HEATR6: variants seen among roughly 807,000 people sequenced by gnomAD.
The protein encoded by HEATR6 is HEAT repeat-containing protein 6.
HEATR6 carries 106 observed loss-of-function variants against 132.8 expected under a neutral mutation model. That is an observed-to-expected ratio of 0.80 (90% CI 0.68 to 0.94). The LOEUF is 0.94. Ranked by LOEUF, HEATR6 falls within the 40% of genes least tolerant of loss-of-function variation. The probability of loss-of-function intolerance (pLI) is 0.00; values close to 1 mark genes in which losing one functional copy is unlikely to be tolerated. For synonymous variants in HEATR6, 529 were observed against 537.8 expected (o/e 0.98, Z 0.23); for missense variants, 1,339 against 1,425.1 (o/e 0.94, Z 0.97).
chr17:60,073,795 A>C lies in HEATR6; in HGVS notation c.419T>G (p.Leu140Arg), dbSNP rs769645250. 6.2e-7 allele frequency: 1 copy of C among 1,614,132 alleles called. No individual in the cohort carries two copies. The highest frequency in any genetic ancestry group is 8.5e-7 in the Non-Finnish European group (1 of 1,179,974). The stretch of plus-strand genomic sequence containing the variant: ...GTACACCAGAGCTGCCAGGGCTTGA[A>C]GAATTTCCCTGTGTGTCCAGGAACT... ...QCSSWTHREI[L>R]QALAALVYCN... Residue 140 changes from leucine to arginine, a missense_variant, in exon 3 of 20, where the codon CTT becomes CGT. Leu to Arg is a moderately radical substitution (Grantham distance 102, BLOSUM62 -2). Transcript: ENST00000184956.
At chr17:60,061,343 A>C (rs2083210081) in intron 9 of HEATR6, among the ~76,000 whole-genome samples, 1 of 152,240 alleles carries the variant, frequency 6.6e-6, no homozygotes, top group Non-Finnish European at 1.5e-5. Flanking sequence ...AGAAATTTGA[A>C]GTACAGTAGC....
Position 60,059,894 on chromosome 17 carries a change from A to G in HEATR6, c.1619T>C (p.Ile540Thr). ...ESSSQTVTQI[I>T]KCLANLVSNA... ...AACCCACAGTTGGTACATTACCTTA[A>G]TTATCTGAGTAACGGTCTGTGAGGA... The change falls in exon 10 of 20, where the codon ATT becomes ACT. Residue 540 changes from isoleucine to threonine, a missense_variant. Transcript: ENST00000184956. 1 of 1,612,906 alleles carries G rather than the reference A, an allele frequency of 6.2e-7. No homozygotes were observed. The highest frequency in any genetic ancestry group is 8.5e-7 in the Non-Finnish European group (1 of 1,179,060).
intron 9 of HEATR6, 91 bp downstream of exon 9, chr17:60,066,118 A>AT: frequency 8.9e-7 from 1 of 1,118,516 alleles, no homozygotes; most frequent in Non-Finnish European, 1.3e-6. Context: ...TAAGAGCTAT[A>AT]TTCAGATCAG....
At chr17:60,072,554 A>G (rs997607644) in intron 4 of HEATR6, among the ~76,000 whole-genome samples, 5 of 152,344 alleles carry the variant, frequency 3.3e-5, no homozygotes, top group Admixed American at 1.3e-4. Context: ...CAGAAAGGTT[A>G]CAGAAGTTTG....
At chr17:60,069,979 C>G (rs1217564600) in intron 6 of HEATR6, 131 bp from the exon 7 acceptor site, 4 of 1,078,370 alleles carry the variant, frequency 3.7e-6, no homozygotes, top group Non-Finnish European at 3.9e-6. Context: ...GTTCAAAAGC[C>G]TACTAAGGAA....
chr17:60,065,851 T>C (rs1005976928), intron 9 of HEATR6, among the ~76,000 whole-genome samples: 2 of 152,208 alleles, frequency 1.3e-5, no homozygotes, highest in African/African-American at 2.4e-5. Context: ...TTCTACTGAG[T>C]TGTTTAAGCC....
chr17:60,072,209 A>G lies in HEATR6; in HGVS notation c.699+6T>C. The G allele has an allele frequency of 6.8e-7, 1 of 1,469,666 alleles. No individual in the cohort carries two copies. Among genetic ancestry groups the G allele is most frequent in the Non-Finnish European group, 9.5e-7 (1 of 1,054,628 alleles). 91.0% of individuals were successfully genotyped at this position (1,469,666 alleles called of 1,614,324 possible). On this transcript the variant is annotated splice_donor_region_variant and intron_variant, in intron 5 of 19. Coordinates refer to ENST00000184956, the MANE Select transcript of HEATR6 (RefSeq NM_022070.5). ...ACATTCACTACGTCAATGATAGTCC[A>G]CTTACCATGCAAAATGTGATATCAT...
At position 60,073,203 on chromosome 17, in the gene HEATR6, C is replaced by G; in HGVS notation, c.545G>C (p.Arg182Thr). 1 of 1,613,620 alleles carries G rather than the reference C, an allele frequency of 6.2e-7. No homozygotes were observed. The highest frequency in any genetic ancestry group is 8.5e-7 in the Non-Finnish European group (1 of 1,179,566). The change falls in exon 4 of 20, where the codon AGG becomes ACG. Residue 182 changes from arginine to threonine, a missense_variant. Arg to Thr is a moderately conservative substitution (Grantham distance 71). Transcript: ENST00000184956. ...TGCCATACAATGTACTGCAGCTCTC[C>G]TGACTTCAGGATCAGACTGAGCCAA... ...SDLAQSDPEV[R>T]RAAVHCMANL...
Position 60,073,156 on chromosome 17 carries a change from C to T in HEATR6, c.584+8G>A, listed in dbSNP as rs746932583. On this transcript the variant is annotated splice_region_variant and intron_variant, in intron 4 of 19. Coordinates refer to ENST00000184956, the MANE Select transcript of HEATR6 (RefSeq NM_022070.5). ...TTACCATTGAGAAACTTGACTGGAGCCACATACCTGAGACATAAGTTTGCC... is the reference window on the plus strand; with the variant it reads ...TTACCATTGAGAAACTTGACTGGAGTCACATACCTGAGACATAAGTTTGCC... 3.9e-5 allele frequency: 59 copies of T among 1,527,388 alleles called. No individual in the cohort carries two copies. In the East Asian group the frequency reaches 1.2e-3, roughly 31 times the overall value. 94.6% of individuals were successfully genotyped at this position (1,527,388 alleles called of 1,614,324 possible). A position where few individuals can be genotyped will look rare whatever the true frequency, so the allele number is the denominator to read the frequency against.
In HEATR6 at chr17:60,069,812, C is replaced by T; in HGVS notation, c.838G>A (p.Glu280Lys). ...GTTGGGTATAACACCGTGGGCATCT[C>T]TATGTTTAGTCCAGGGAGTCCGTGA... ...MFHGLPGLNIEMPTVLYPTPL... is the reference protein window; with the variant it reads ...MFHGLPGLNIKMPTVLYPTPL... Residue 280 changes from glutamate to lysine, a missense_variant, in exon 7 of 20, where the codon GAG becomes AAG. Transcript: ENST00000184956. The T allele has an allele frequency of 6.2e-7, 1 of 1,613,998 alleles. No homozygotes were observed. The highest frequency in any genetic ancestry group is 8.5e-7 in the Non-Finnish European group (1 of 1,180,004).
At position 60,076,153 on chromosome 17, in the gene HEATR6, G is replaced by T; in HGVS notation, c.304C>A (p.His102Asn). Residue 102 changes from histidine (H) to asparagine (N), a missense_variant, in exon 2 of 20, where the codon CAC (histidine) becomes AAC (asparagine). His to Asn is a moderately conservative substitution (Grantham distance 68). Transcript: ENST00000184956. ...ACCTGTAATCTGTTAAGTAAATGGT[G>T]GATAAGCTGGCTCACTTTGCTGACA... ...HLVSKVSQLI[H>N]HLLNRLQVIV... is the part of the protein sequence containing the mutation. The T allele has an allele frequency of 1.2e-6, 2 of 1,607,182 alleles. No homozygotes were observed. The highest frequency in any genetic ancestry group is 8.5e-7 in the Non-Finnish European group (1 of 1,174,746).
At chr17:60,065,970 T>C (rs1030684968) in intron 9 of HEATR6, among the ~76,000 whole-genome samples, 13 of 152,224 alleles carry the variant, frequency 8.5e-5, no homozygotes, top group Non-Finnish European at 1.5e-5. Context: ...AAGTTAGAAT[T>C]CAGTGTGCTC....
intron 1 of HEATR6, among the ~76,000 whole-genome samples, chr17:60,078,347 T>C (rs1221310324): frequency 6.6e-6 from 1 of 152,222 alleles, no homozygotes; most frequent in African/African-American, 2.4e-5. Context: ...GTGTACCATG[T>C]ACGCAATAAA....
intron 19 of HEATR6, 102 bp from the exon 20 acceptor site, chr17:60,044,236 C>G: frequency 1.3e-6 from 1 of 783,972 alleles, no homozygotes. Context: ...GCTCAAGACA[C>G]TCATTTTATG....
chr17:60,066,407 A>G (rs755159359), intron 8 of HEATR6, 21 bp from the exon 9 acceptor site: 1 of 1,524,092 alleles, frequency 6.6e-7, no homozygotes, highest in South Asian at 1.3e-5. Flanking sequence ...CAAGAGAAAA[A>G]AGAAAAAACA....
intron 19 of HEATR6, among the ~76,000 whole-genome samples, chr17:60,044,909 G>A (rs920937283): frequency 1.3e-5 from 2 of 152,200 alleles, no homozygotes; most frequent in Non-Finnish European, 1.5e-5. Context: ...CTCACAATCC[G>A]ACCCGTCAGA....
rs1906194751 is a variant in HEATR6, at chr17:60,042,314, G to A, written c.*1249C>T. ...GGGAACACGGGCACTCCAGAAGCTC[G>A]GAGCAGCAGCTCATCAGCTGTGAGG... is the stretch of plus-strand genomic sequence containing the variant. On this transcript the variant is annotated 3_prime_UTR_variant, in exon 20 of 20. Coordinates refer to ENST00000184956, the MANE Select transcript of HEATR6 (RefSeq NM_022070.5). Among the ~76,000 whole-genome samples the A allele has an allele frequency of 6.6e-6, 1 of 152,238 alleles. No individual in the cohort carries two copies. The highest frequency in any genetic ancestry group is 2.1e-4 in the South Asian group (1 of 4,838).
rs1290664232 is a variant in HEATR6, at chr17:60,043,805, C to G, written c.3304G>C (p.Val1102Leu). 6.2e-7 allele frequency: 1 copy of G among 1,614,156 alleles called. No homozygotes were observed. The highest frequency in any genetic ancestry group is 1.1e-5 in the South Asian group (1 of 91,082). Reference sequence around the variant, plus strand: ...AAAAACTGTAGAATATAGGACTGGACCATATTCCCACTCAGTTCAAGGGTT... The same window carrying G: ...AAAAACTGTAGAATATAGGACTGGAGCATATTCCCACTCAGTTCAAGGGTT... ...KETLELSGNM[V>L]QSYILQFLKS... Residue 1102 changes from valine to leucine, a missense_variant, in exon 20 of 20, where the codon GTC becomes CTC. By Grantham distance (32) the Val-to-Leu change is conservative. Transcript: ENST00000184956.
At chr17:60,073,408 A>C (rs938048607) in intron 3 of HEATR6, 129 bp from the exon 4 acceptor site, 2 of 629,502 alleles carry the variant, frequency 3.2e-6, no homozygotes, top group African/African-American at 3.7e-5. Context: ...TGTTAGATAA[A>C]TGTCTCCGAT....
Sources: allele counts gnomAD v4.1 joint callset (sites outside exome capture counted in the v4.1 genomes callset), GRCh38; gene constraint gnomAD v4.1.1; transcripts MANE v1.5; gene names NCBI Gene and HGNC (gene_info 2026-07-23, HGNC 2026-07-21).